The following SYNJ2 variants were observed in gnomAD, a reference collection of about 807,000 sequenced individuals.
The protein encoded by SYNJ2 is polyphosphatidylinositol phosphatase SYNJ2.
In SYNJ2, 116 loss-of-function variants were observed where a neutral mutation model predicts 141.3. The ratio of observed to expected loss-of-function variants is 0.82; its 90% CI spans 0.71 to 0.96. SYNJ2 has a LOEUF of 0.96. Among genes scored for constraint, SYNJ2 ranks in the 40% least tolerant of loss-of-function variants. The pLI is 0.00. For missense variants in SYNJ2, 1,873 were observed against 1,934.8 expected (o/e 0.97, Z 0.60); for synonymous variants, 745 against 777.7 (o/e 0.96, Z 0.70).
rs540665264 is a variant in SYNJ2, at chr6:158,065,272, C to T, written c.1525+281C>T. Among the ~76,000 whole-genome samples, 45 of 152,314 alleles carry T rather than the reference C, an allele frequency of 3.0e-4. No homozygotes were observed. In the South Asian group the frequency reaches 8.7e-3, roughly 29 times the overall value. Reference sequence around the variant, plus strand: ...GGGAGAGGCCGTGCACTCTCCTAAACGCATCGGTGCCTTTGAATGCTAACC... The same window carrying T: ...GGGAGAGGCCGTGCACTCTCCTAAATGCATCGGTGCCTTTGAATGCTAACC... On this transcript the variant is annotated intron_variant, in intron 11 of 26. Coordinates refer to ENST00000355585, the MANE Select transcript of SYNJ2 (RefSeq NM_003898.4).
chr6:158,083,025 C>T (rs562327023), intron 20 of SYNJ2, among the ~76,000 whole-genome samples: 34 of 152,116 alleles, frequency 2.2e-4, no homozygotes, highest in Admixed American at 1.7e-3. Context: ...TTCCGCCTCC[C>T]GGGTTCAAGC....
rs1306997956 is a variant in SYNJ2 at position 157,982,809 on chromosome 6, A to G, written c.127+721A>G. On this transcript the variant is annotated intron_variant, in intron 1 of 26. Transcript: ENST00000355585. The surrounding 1 kb of genome is among the most constrained non-coding windows in gnomAD (Gnocchi z 4.0). ...CAGATGAGCAAACTGAGGCCTAAAG[A>G]GGCTAAGTTGCTTGCCAAGGTGACA... Among the ~76,000 whole-genome samples, 1 of 152,222 alleles carries G rather than the reference A, an allele frequency of 6.6e-6. No homozygotes were observed. The highest frequency in any genetic ancestry group is 1.5e-5 in the Non-Finnish European group (1 of 68,038).
In SYNJ2 at chr6:158,095,876, A is replaced by T. The variant is rs750606028; in HGVS notation, c.4003A>T (p.Arg1335Trp). ...APPLVPKVPP[R>W]RKKSAPAAFH... Reference sequence around the variant, plus strand: ...GCCTCTTGTGCCCAAGGTACCCCCGAGGAGGAAGAAGTCAGCCCCCGCAGC... The same window carrying T: ...GCCTCTTGTGCCCAAGGTACCCCCGTGGAGGAAGAAGTCAGCCCCCGCAGC... Residue 1335 changes from arginine (R) to tryptophan (W), a missense_variant, in exon 27 of 27, where the codon AGG becomes TGG. Transcript: ENST00000355585. 1.9e-6 allele frequency: 3 copies of T among 1,614,102 alleles called. No individual in the cohort carries two copies. In the South Asian group the frequency reaches 3.3e-5, roughly 18 times the overall value.
At chr6:158,033,766 G>A in intron 4 of SYNJ2, 86 bp downstream of exon 4, 1 of 1,368,600 alleles carries the variant, frequency 7.3e-7, no homozygotes. Flanking sequence ...GGGCAGAAGA[G>A]GCCCTGGCAT....
chr6:158,026,568 C>T (rs1779059587), intron 2 of SYNJ2, among the ~76,000 whole-genome samples: 1 of 152,140 alleles, frequency 6.6e-6, no homozygotes, highest in African/African-American at 2.4e-5. Flanking sequence ...TGTTAAGAGC[C>T]TCTCCTGGCT....
At chr6:158,088,811 G>C (rs767878188) in intron 24 of SYNJ2, 39 bp downstream of exon 24, 21 of 1,461,856 alleles carry the variant, frequency 1.4e-5, no homozygotes, top group Non-Finnish European at 1.9e-5. Flanking sequence ...CAAGGGTTTT[G>C]CCCCCGGGAT....
At chr6:158,080,137 G>C (rs942252680) in intron 18 of SYNJ2, among the ~76,000 whole-genome samples, 1 of 152,116 alleles carries the variant, frequency 6.6e-6, no homozygotes, top group Non-Finnish European at 1.5e-5. Flanking sequence ...TAATGATTGC[G>C]TAGGGTATTA....
chr6:158,037,594 G>C (rs964003514), intron 4 of SYNJ2, among the ~76,000 whole-genome samples: 3 of 151,792 alleles, frequency 2.0e-5, no homozygotes, highest in African/African-American at 7.3e-5. Context: ...GTAGAGACAG[G>C]GTTTCACCGT....
Position 158,069,643 on chromosome 6 carries a change from T to A in SYNJ2, c.1910T>A (p.Phe637Tyr). The change falls in exon 14 of 27, where the codon TTT becomes TAT. Residue 637 changes from phenylalanine (F) to tyrosine (Y), a missense_variant. Phe to Tyr is a conservative substitution (Grantham distance 22). Transcript: ENST00000355585. Reference protein sequence around the residue: ...AQLVGVCLYIFVRPYHVPFIR... With the variant: ...AQLVGVCLYIYVRPYHVPFIR... ...CTGGTGGGCGTCTGTCTTTATATCT[T>A]TGTACGTCCATACCATGTCCCGTTC... 1.2e-6 allele frequency: 2 copies of A among 1,613,962 alleles called. No homozygotes were observed. The highest frequency in any genetic ancestry group is 1.7e-6 in the Non-Finnish European group (2 of 1,179,868).
intron 1 of SYNJ2, among the ~76,000 whole-genome samples, chr6:157,997,046 C>T (rs924052950): frequency 4.0e-5 from 5 of 124,354 alleles, no homozygotes; most frequent in East Asian, 2.6e-4. Context: ...CACCCAGCTT[C>T]GTGACTGCAG....
At chr6:158,016,492 T>G (rs2128327270) in intron 1 of SYNJ2, among the ~76,000 whole-genome samples, 1 of 152,278 alleles carries the variant, frequency 6.6e-6, no homozygotes, top group Non-Finnish European at 1.5e-5. Context: ...GGTTCATCTA[T>G]CTTTGTATTT....
intron 8 of SYNJ2, among the ~76,000 whole-genome samples, chr6:158,062,985 T>C (rs963729525): frequency 2.0e-5 from 3 of 152,160 alleles, no homozygotes; most frequent in Admixed American, 6.5e-5. Context: ...ATAAGCTTTG[T>C]CCCTATATGA....
At chr6:158,032,555 A>G (rs908707780) in intron 3 of SYNJ2, among the ~76,000 whole-genome samples, 1 of 152,186 alleles carries the variant, frequency 6.6e-6, no homozygotes, top group Non-Finnish European at 1.5e-5. Flanking sequence ...GCAGGTGCAC[A>G]TGGAAACGTA....
chr6:158,074,713 T>G lies in SYNJ2; in HGVS notation c.2267T>G (p.Leu756Arg). The G allele has an allele frequency of 2.5e-6, 4 of 1,611,932 alleles. No homozygotes were observed. The highest frequency in any genetic ancestry group is 3.4e-6 in the Non-Finnish European group (4 of 1,179,614). ...DWKKLLEFDQ[L>R]QLQKSSGKIF... ...AAGAAACTTCTGGAATTTGATCAACTACAGCTACAGAAATCAAGTGGAAAA... is the reference window on the plus strand; with the variant it reads ...AAGAAACTTCTGGAATTTGATCAACGACAGCTACAGAAATCAAGTGGAAAA... The change falls in exon 16 of 27, where the codon CTA becomes CGA. Residue 756 changes from leucine (L) to arginine (R), a missense_variant. Coordinates refer to ENST00000355585, the MANE Select transcript of SYNJ2 (RefSeq NM_003898.4).
chr6:158,065,130 G>A, intron 11 of SYNJ2, 139 bp downstream of exon 11: 1 of 1,126,548 alleles, frequency 8.9e-7, no homozygotes, highest in Non-Finnish European at 1.2e-6. Context: ...CCTTGCAGCT[G>A]TCACTGCCTC....
chr6:158,030,456 A>G (rs964751560), intron 3 of SYNJ2: 2 of 152,700 alleles, frequency 1.3e-5, no homozygotes, highest in African/African-American at 4.8e-5. Context: ...ATTCCCCAGA[A>G]GTGAATTCCT....
In SYNJ2 at chr6:158,043,470, G is replaced by A; in HGVS notation, c.795+71G>A. 8.7e-7 allele frequency: 1 copy of A among 1,152,582 alleles called. No homozygotes were observed. Among genetic ancestry groups the A allele is most frequent in the Non-Finnish European group, 1.3e-6 (1 of 780,428 alleles). 71.4% of individuals were successfully genotyped at this position (1,152,582 alleles called of 1,614,324 possible). ...CCTGCCCTTCCCTTCAATAGCTGGG[G>A]AAGATTTCTTTTAACACGTTCGTTT... On this transcript the variant is annotated intron_variant, in intron 5 of 26. Transcript: ENST00000355585. The surrounding 1 kb of genome is among the most constrained non-coding windows in gnomAD (Gnocchi z 4.0).
intron 1 of SYNJ2, among the ~76,000 whole-genome samples, chr6:158,005,450 C>T (rs975228413): frequency 6.6e-6 from 1 of 152,160 alleles, no homozygotes; most frequent in Non-Finnish European, 1.5e-5. Flanking sequence ...TCGTCTGTCT[C>T]ACACCTTCCC....
intron 1 of SYNJ2, among the ~76,000 whole-genome samples, chr6:157,987,238 C>A (rs929637776): frequency 1.3e-5 from 2 of 152,124 alleles, no homozygotes; most frequent in African/African-American, 4.8e-5. Flanking sequence ...CCACCCGCTT[C>A]GGCCTCCCAA....
Sources: allele counts gnomAD v4.1 joint callset (sites outside exome capture counted in the v4.1 genomes callset), GRCh38; gene constraint gnomAD v4.1.1; non-coding constraint Gnocchi (gnomAD v3.1); transcripts MANE v1.5; gene names NCBI Gene and HGNC (gene_info 2026-07-23, HGNC 2026-07-21).